TANC2: variants seen among roughly 807,000 people sequenced by gnomAD.
The protein encoded by TANC2 is protein TANC2.
In TANC2, 26 loss-of-function variants were observed where a neutral mutation model predicts 210.5. That is an observed-to-expected ratio of 0.12 (90% confidence interval 0.09 to 0.17). The LOEUF (loss-of-function observed/expected upper bound fraction) is 0.17, where lower values mean the gene tolerates loss of function less well. TANC2 is among the 10% of genes least tolerant of loss of function. The probability of loss-of-function intolerance (pLI) is 1.00; values close to 1 mark genes in which losing one functional copy is unlikely to be tolerated. For synonymous variants in TANC2, 931 were observed against 967.1 expected (o/e 0.96, Z 0.69); for missense variants, 2,129 against 2,608.9 (o/e 0.82, Z 4.01).
intron 4 of TANC2, among the ~76,000 whole-genome samples, chr17:63,133,170 C>T (rs2038977506): frequency 6.6e-6 from 1 of 151,792 alleles, no homozygotes; most frequent in Non-Finnish European, 1.5e-5. Flanking sequence ...GACTGGGTTT[C>T]ACCATATTGG....
intron 8 of TANC2, among the ~76,000 whole-genome samples, chr17:63,248,018 G>A (rs547103363): frequency 1.3e-5 from 2 of 152,134 alleles, no homozygotes; most frequent in South Asian, 2.1e-4. Context: ...TTTCCAGAAC[G>A]TAGAGAAATA....
chr17:63,235,384 T>C (rs994597583), intron 7 of TANC2, among the ~76,000 whole-genome samples: 8 of 152,100 alleles, frequency 5.3e-5, no homozygotes, highest in Admixed American at 3.3e-4. Context: ...CGGGAACTTA[T>C]CTTCCAAAAT....
At chr17:63,185,334 C>G (rs1381685130) in intron 5 of TANC2, among the ~76,000 whole-genome samples, 1 of 152,020 alleles carries the variant, frequency 6.6e-6, no homozygotes, top group African/African-American at 2.4e-5. Context: ...CTAAAGTGAT[C>G]CACCCGCCTC....
At chr17:63,346,353 T>C (rs2046409452) in intron 12 of TANC2, among the ~76,000 whole-genome samples, 1 of 152,212 alleles carries the variant, frequency 6.6e-6, no homozygotes, top group Non-Finnish European at 1.5e-5. Context: ...GGAGGAAATA[T>C]TCACTATGTT....
rs995844200 is a variant in TANC2 at position 63,396,101 on chromosome 17, A to G, written c.3237+173A>G. Reference sequence around the variant, plus strand: ...CATGAAGCACTTTACTCAAATGCCAAAGTCCCTCAAATTATAGGTATAGAA... The same window carrying G: ...CATGAAGCACTTTACTCAAATGCCAGAGTCCCTCAAATTATAGGTATAGAA... On this transcript the variant is annotated intron_variant, in intron 18 of 27. Transcript: ENST00000689528. 1.1e-5 allele frequency: 7 copies of G among 618,388 alleles called. No homozygotes were observed. In the Admixed American group the frequency reaches 1.5e-4, roughly 14 times the overall value. The allele number at this position is 618,388 out of a possible 1,614,324, so 38.3% of individuals were successfully genotyped here.
At chr17:63,341,803 G>C (rs1567932801) in intron 12 of TANC2, among the ~76,000 whole-genome samples, 1 of 152,174 alleles carries the variant, frequency 6.6e-6, no homozygotes, top group Non-Finnish European at 1.5e-5. Flanking sequence ...ATAATCCGCT[G>C]ATTGCCTATT....
intron 26 of TANC2, 135 bp downstream of exon 26, chr17:63,415,809 C>A: frequency 9.7e-7 from 1 of 1,029,814 alleles, no homozygotes; most frequent in Non-Finnish European, 1.4e-6. Flanking sequence ...AGAGCACTGA[C>A]ATTTGCAATT....
chr17:63,399,000 C>T (rs1484472797), intron 19 of TANC2, 86 bp downstream of exon 19: 1 of 968,776 alleles, frequency 1.0e-6, no homozygotes, highest in Non-Finnish European at 1.6e-6. Context: ...CCCTGGCATA[C>T]ATTTGGCAGT....
intron 5 of TANC2, among the ~76,000 whole-genome samples, chr17:63,156,146 A>G (rs1257282343): frequency 2.0e-5 from 3 of 152,166 alleles, no homozygotes; most frequent in African/African-American, 4.8e-5. Context: ...GCATTGTCCT[A>G]TGAGTACCAA....
intron 7 of TANC2, among the ~76,000 whole-genome samples, chr17:63,232,367 T>G (rs1216734268): frequency 6.6e-6 from 1 of 152,238 alleles, no homozygotes; most frequent in African/African-American, 2.4e-5. Context: ...ATTTTTTCAT[T>G]GATTCTTTCT....
At chr17:63,198,873 A>G (rs2041436004) in intron 6 of TANC2, among the ~76,000 whole-genome samples, 1 of 152,196 alleles carries the variant, frequency 6.6e-6, no homozygotes, top group African/African-American at 2.4e-5. Context: ...TTCTCTGGAG[A>G]GATAACATAT....
intron 3 of TANC2, among the ~76,000 whole-genome samples, chr17:63,092,309 T>C (rs78304257): frequency 0.083 from 12,554 of 152,160 alleles, 802 homozygotes; most frequent in African/African-American, 0.18. Context: ...TCCCAACTTA[T>C]ATATACCAGT....
At chr17:63,078,989 A>G (rs1483601425) in intron 3 of TANC2, among the ~76,000 whole-genome samples, 5 of 152,178 alleles carry the variant, frequency 3.3e-5, no homozygotes, top group Non-Finnish European at 5.9e-5. Context: ...TTGAAATCTC[A>G]GGCTATAACT....
intron 9 of TANC2, among the ~76,000 whole-genome samples, chr17:63,284,273 C>T (rs182622233): frequency 4.6e-5 from 7 of 151,848 alleles, no homozygotes; most frequent in South Asian, 2.1e-4. Context: ...AATCTAACTT[C>T]GCATTCCTAA....
chr17:62,996,211 A>G (rs949538197), intron 1 of TANC2, among the ~76,000 whole-genome samples: 3 of 152,212 alleles, frequency 2.0e-5, no homozygotes, highest in African/African-American at 4.8e-5. Flanking sequence ...CTCATCATTC[A>G]CACTGTTCAA....
In TANC2 at chr17:63,058,090, A is replaced by G. The variant is rs58131945; in HGVS notation, c.68-15853A>G. Among the ~76,000 whole-genome samples the G allele has an allele frequency of 3.7e-3, 568 of 152,274 alleles. 2 individuals are homozygous for G. The highest frequency in any genetic ancestry group is 0.012 in the African/African-American group (519 of 41,574). On this transcript the variant is annotated intron_variant, in intron 2 of 27. Transcript: ENST00000689528. Reference sequence around the variant, plus strand: ...TACCTTTTCTCCGCAATTTGCCAGTATCTATCATTTTTTTACTTTTTTAGT... The same window carrying G: ...TACCTTTTCTCCGCAATTTGCCAGTGTCTATCATTTTTTTACTTTTTTAGT...
At chr17:62,987,750 A>G (rs887528450) in intron 1 of TANC2, among the ~76,000 whole-genome samples, 2 of 152,116 alleles carry the variant, frequency 1.3e-5, no homozygotes, top group Non-Finnish European at 2.9e-5. Flanking sequence ...TTGACATTCC[A>G]GTCAAATCTT....
rs2146620829 is a variant in TANC2 at position 63,318,900 on chromosome 17, T to C, written c.1442-57T>C. ...CATAGAACAAATGGAATTTAGCCATTTTTCCTTAAAGTTTTTATGATTATC... is the reference window on the plus strand; with the variant it reads ...CATAGAACAAATGGAATTTAGCCATCTTTCCTTAAAGTTTTTATGATTATC... On this transcript the variant is annotated intron_variant, in intron 10 of 27. Coordinates refer to ENST00000689528, the Ensembl canonical transcript of TANC2. 6 of 1,598,414 alleles carry C rather than the reference T, an allele frequency of 3.8e-6. No homozygotes were observed. The South Asian group carries it at 6.7e-5, about 18-fold the overall frequency.
intron 1 of TANC2, among the ~76,000 whole-genome samples, chr17:62,983,302 T>A (rs1338346239): frequency 2.0e-5 from 3 of 152,128 alleles, no homozygotes; most frequent in Non-Finnish European, 4.4e-5. Context: ...TTTGAATTCG[T>A]TTATTGAATT....
Sources: gnomAD v4.1 joint callset for allele counts (sites outside exome capture counted in the v4.1 genomes callset) on GRCh38, gnomAD v4.1.1 for gene constraint, MANE v1.5 for transcripts, NCBI Gene and HGNC (gene_info 2026-07-23, HGNC 2026-07-21) for gene names.